NFX1: variants seen among roughly 807,000 people sequenced by gnomAD.
NFX1 encodes the protein transcriptional repressor NF-X1.
A neutral mutation model predicts 137.2 loss-of-function variants in NFX1; 69 were observed. The ratio of observed to expected loss-of-function variants is 0.50; its 90% confidence interval spans 0.41 to 0.61. The LOEUF (loss-of-function observed/expected upper bound fraction) is 0.61, where lower values mean the gene tolerates loss of function less well. Among genes scored for constraint, NFX1 ranks in the 20% least tolerant of loss-of-function variants. The pLI is 0.00. For synonymous variants in NFX1, 495 were observed against 474.1 expected, an observed-to-expected ratio of 1.04 and a Z score of -0.57; for missense variants, 1,167 against 1,391.0, an observed-to-expected ratio of 0.84 and a Z score of 2.56.
intron 22 of NFX1, 94 bp from the exon 23 acceptor site, chr9:33,367,421 A>C: frequency 1.6e-6 from 2 of 1,274,950 alleles, no homozygotes; most frequent in East Asian, 4.8e-5. Flanking sequence ...CAGTAGTGTC[A>C]TAGTGCCAAA....
chr9:33,336,828 G>A (rs146008373), intron 11 of NFX1, among the ~76,000 whole-genome samples: 2,440 of 152,186 alleles, frequency 0.016, 63 homozygotes, highest in African/African-American at 0.052. Flanking sequence ...AGGGCTGGGC[G>A]CAGTAGCTCA....
Position 33,318,729 on chromosome 9 carries a change from A to G in NFX1, c.1589-2A>G. On this transcript the variant is annotated splice_acceptor_variant, in intron 7 of 23. Transcript: ENST00000379540. LOFTEE classifies it high-confidence loss of function. The stretch of plus-strand genomic sequence containing the variant: ...TTTTGTTTTTGAAATTTTCTCTTCA[A>G]GTATGCTATTGCGGCAGCACCTCCC... 6.2e-7 allele frequency: 1 copy of G among 1,613,954 alleles called. No homozygotes were observed.
chr9:33,314,345 A>G (rs1355249832), intron 7 of NFX1, among the ~76,000 whole-genome samples: 1 of 152,022 alleles, frequency 6.6e-6, no homozygotes. Flanking sequence ...GAAAAGGACC[A>G]GATTATTATG....
chr9:33,301,393 A>G lies in NFX1; in HGVS notation c.1164A>G (p.Lys388=), dbSNP rs1821559408. Residue 388 remains lysine (K), a synonymous_variant, in exon 3 of 24, where the codon AAA becomes AAG. Coordinates refer to ENST00000379540, the MANE Select transcript of NFX1 (RefSeq NM_002504.6). ...TGTTTCATTTGAACTGCATAAAGAAATGGGCAAGGTCTCCAGCATCTCAAG... is the reference window on the plus strand; with the variant it reads ...TGTTTCATTTGAACTGCATAAAGAAGTGGGCAAGGTCTCCAGCATCTCAAG... ...YHVFHLNCIK[K]WARSPASQAD... is the part of the protein sequence containing the mutation. 1 of 1,613,950 alleles carries G rather than the reference A, an allele frequency of 6.2e-7. No individual in the cohort carries two copies. The highest frequency in any genetic ancestry group is 1.3e-5 in the African/African-American group (1 of 74,914).
chr9:33,307,175 C>A lies in NFX1; in HGVS notation c.1271-19C>A. ...GGTTGAAGTTTGTACCATTGACTCT[C>A]TGATCTGATATGTTCTAGGCAAGGT... On this transcript the variant is annotated intron_variant, in intron 4 of 23. Transcript: ENST00000379540. 1 of 1,602,112 alleles carries A rather than the reference C, an allele frequency of 6.2e-7. No individual in the cohort carries two copies. The highest frequency in any genetic ancestry group is 1.1e-5 in the South Asian group (1 of 90,448).
chr9:33,326,943 A>C (rs1224810528), intron 9 of NFX1, among the ~76,000 whole-genome samples: 1 of 152,182 alleles, frequency 6.6e-6, no homozygotes, highest in Non-Finnish European at 1.5e-5. Context: ...GATTCTGATA[A>C]GATGTATATG....
At chr9:33,364,849 G>T in intron 21 of NFX1, 75 bp downstream of exon 21, 1 of 1,581,096 alleles carries the variant, frequency 6.3e-7, no homozygotes, top group South Asian at 1.2e-5. Context: ...TCAAGTCCTG[G>T]AAACACTTTC....
At chr9:33,354,827 AT>A (rs1308131898) in intron 18 of NFX1, 23 bp from the exon 19 acceptor site, 7 of 1,607,672 alleles carry the variant, frequency 4.4e-6, no homozygotes, top group Admixed American at 1.7e-5. Context: ...TCTGACTTTA[AT>A]TTTTTTTCAT....
intron 1 of NFX1, among the ~76,000 whole-genome samples, chr9:33,293,863 G>C (rs1229038788): frequency 6.6e-6 from 1 of 152,204 alleles, no homozygotes; most frequent in East Asian, 1.9e-4. Context: ...TACTATCTAT[G>C]AAATCATATT....
At chr9:33,326,375 T>C (rs1261057202) in intron 9 of NFX1, among the ~76,000 whole-genome samples, 2 of 144,362 alleles carry the variant, frequency 1.4e-5, no homozygotes, top group Middle Eastern at 3.8e-3. Context: ...ATCATGCCAC[T>C]GCACTTCAGC....
At chr9:33,305,424 A>G (rs1050423294) in intron 4 of NFX1, among the ~76,000 whole-genome samples, 8 of 152,240 alleles carry the variant, frequency 5.3e-5, no homozygotes, top group Non-Finnish European at 1.0e-4. Context: ...TACAGAGCCC[A>G]GGATCTATGA....
chr9:33,297,714 A>G (rs567934926), intron 2 of NFX1, among the ~76,000 whole-genome samples: 15 of 152,292 alleles, frequency 9.8e-5, no homozygotes, highest in African/African-American at 2.6e-4. Context: ...CAGCTCCTAG[A>G]GGCCACCTGT....
chr9:33,315,382 C>T lies in NFX1; in HGVS notation c.1588+1589C>T, dbSNP rs1025310031. On this transcript the variant is annotated intron_variant, in intron 7 of 23. Coordinates refer to ENST00000379540, the MANE Select transcript of NFX1 (RefSeq NM_002504.6). The stretch of plus-strand genomic sequence containing the variant: ...TTAGGTAGGCTGTTTAGTCATGATA[C>T]AACTCTAATCGTCCCAGTTTTTTCT... Among the ~76,000 whole-genome samples the T allele has an allele frequency of 2.0e-5, 3 of 152,168 alleles. No individual in the cohort carries two copies. The East Asian group carries it at 5.8e-4, about 29-fold the overall frequency.
At chr9:33,297,787 A>T (rs981120842) in intron 2 of NFX1, among the ~76,000 whole-genome samples, 2 of 152,186 alleles carry the variant, frequency 1.3e-5, no homozygotes, top group African/African-American at 4.8e-5. Flanking sequence ...CCTGCGGGAA[A>T]GCAGCTGCTG....
chr9:33,346,434 A>AGAG (rs887120320), intron 14 of NFX1, among the ~76,000 whole-genome samples: 9 of 152,324 alleles, frequency 5.9e-5, no homozygotes, highest in African/African-American at 1.9e-4. Context: ...ACATTCTCCG[A>AGAG]GAGGAGGAGG....
In NFX1 at chr9:33,347,057, T is replaced by C. The variant is rs1477677298; in HGVS notation, c.2364T>C (p.Ser788=). 6.2e-7 allele frequency: 1 copy of C among 1,613,332 alleles called. No individual in the cohort carries two copies. The highest frequency in any genetic ancestry group is 1.7e-5 in the Admixed American group (1 of 60,006). The change falls in exon 15 of 24, where the codon AGT becomes AGC. Residue 788 remains serine (S), a synonymous_variant. Coordinates refer to ENST00000379540, the MANE Select transcript of NFX1 (RefSeq NM_002504.6). ...CTGCAGTATATCATTCTTGTCATAG[T>C]GAGGAGAAGTGTCCCCCTTGCACTT... The part of the protein sequence containing the change: ...CDHPVYHSCH[S]EEKCPPCTFL...
In NFX1 at chr9:33,328,673, A is replaced by G. The variant is rs1217079666; in HGVS notation, c.1999A>G (p.Thr667Ala). The G allele has an allele frequency of 6.2e-7, 1 of 1,610,266 alleles. No individual in the cohort carries two copies. The highest frequency in any genetic ancestry group is 1.1e-5 in the South Asian group (1 of 90,950). The change falls in exon 10 of 24, where the codon ACA becomes GCA. Residue 667 changes from threonine (T) to alanine (A), a missense_variant. Coordinates refer to ENST00000379540, the MANE Select transcript of NFX1 (RefSeq NM_002504.6). The part of the protein sequence containing the change: ...SVISCRCSFR[T>A]KELPCTSLKS... Reference sequence around the variant, plus strand: ...TATTTCCTGCAGATGCTCTTTCAGAACAAAGGTAAATCCTAAACAATGCTA... The same window carrying G: ...TATTTCCTGCAGATGCTCTTTCAGAGCAAAGGTAAATCCTAAACAATGCTA...
At position 33,313,784 on chromosome 9, in the gene NFX1, T is replaced by C. The variant is rs762174406; in HGVS notation, c.1579T>C (p.Leu527=). The C allele has an allele frequency of 1.1e-4, 174 of 1,613,736 alleles. No individual in the cohort carries two copies. The highest frequency in any genetic ancestry group is 3.3e-4 in the Middle Eastern group (2 of 6,022). ...GGQCQPCQII[L]NQVCYCGSTS... Reference sequence around the variant, plus strand: ...TCAGTGCCAGCCTTGCCAGATCATTTTGAACCAGGGTAAGTGGTGGGCACA... The same window carrying C: ...TCAGTGCCAGCCTTGCCAGATCATTCTGAACCAGGGTAAGTGGTGGGCACA... Residue 527 remains leucine, a synonymous_variant, in exon 7 of 24, where the codon TTG becomes CTG. Transcript: ENST00000379540.
chr9:33,294,663 C>T lies in NFX1; in HGVS notation c.269C>T (p.Ser90Phe), dbSNP rs762945725. ...PKSQQTSFQS[S>F]PCNKSPKSHG... The stretch of plus-strand genomic sequence containing the variant: ...AGTCAGCAGACGTCTTTCCAGTCCT[C>T]TCCTTGTAATAAATCGCCCAAGAGC... The change falls in exon 2 of 24, where the codon TCT (serine) becomes TTT (phenylalanine). Residue 90 changes from serine (S) to phenylalanine (F), a missense_variant. By Grantham distance (155) the Ser-to-Phe change is radical. Transcript: ENST00000379540. The T allele has an allele frequency of 6.2e-6, 10 of 1,614,216 alleles. No homozygotes were observed. The highest frequency in any genetic ancestry group is 8.5e-6 in the Non-Finnish European group (10 of 1,180,046).
Sources: allele counts gnomAD v4.1 joint callset (sites outside exome capture counted in the v4.1 genomes callset), GRCh38; gene constraint gnomAD v4.1.1; transcripts MANE v1.5; gene names NCBI Gene and HGNC (gene_info 2026-07-23, HGNC 2026-07-21).